PFKFB4: variants seen among roughly 807,000 people sequenced by gnomAD.
PFKFB4 encodes 6-phosphofructo-2-kinase/fructose-2,6-biphosphatase 4, also known as 6-phosphofructo-2-kinase/fructose-2,6-bisphosphatase 4.
In PFKFB4, 42 loss-of-function variants were observed where a neutral mutation model predicts 62.8. That is an observed-to-expected ratio of 0.67 (90% CI 0.52 to 0.86). The LOEUF (loss-of-function observed/expected upper bound fraction) is 0.86. Among genes scored for constraint, PFKFB4 ranks in the 40% least tolerant of loss-of-function variants. The pLI, the probability that PFKFB4 is intolerant of heterozygous loss-of-function variation, is 0.00. For missense variants in PFKFB4, 475 were observed against 627.2 expected, an observed-to-expected ratio of 0.76 and a Z score of 2.59; for synonymous variants, 204 against 240.7, an observed-to-expected ratio of 0.85 and a Z score of 1.41.
At chr3:48,533,850 G>A (rs978570870) in intron 9 of PFKFB4, among the ~76,000 whole-genome samples, 6 of 152,002 alleles carry the variant, frequency 3.9e-5, no homozygotes, top group East Asian at 1.9e-4. Flanking sequence ...GCAAACCTCC[G>A]TCTCAAAAAA....
Position 48,521,091 on chromosome 3 carries a change from A to G in PFKFB4, c.1350+895T>C, listed in dbSNP as rs1402955316. The stretch of plus-strand genomic sequence containing the variant: ...CCTGCTTGGGGGCAGTGGTGTTGGG[A>G]AGGGACAGGACACATCTACACACCT... On this transcript the variant is annotated intron_variant, in intron 13 of 13. Transcript: ENST00000232375. The surrounding 1 kb of genome is among the most constrained non-coding windows in gnomAD (Gnocchi z 5.3). Among the ~76,000 whole-genome samples the G allele has an allele frequency of 6.6e-6, 1 of 151,988 alleles. No individual in the cohort carries two copies. The highest frequency in any genetic ancestry group is 2.4e-5 in the African/African-American group (1 of 41,376).
chr3:48,553,601 A>T (rs1033160854), intron 1 of PFKFB4, among the ~76,000 whole-genome samples: 5 of 152,106 alleles, frequency 3.3e-5, no homozygotes, highest in Non-Finnish European at 5.9e-5. Context: ...GAGCTCTAGG[A>T]GCGAAGGGGC....
intron 9 of PFKFB4, among the ~76,000 whole-genome samples, chr3:48,533,543 A>G (rs1490103904): frequency 1.3e-5 from 2 of 152,170 alleles, no homozygotes; most frequent in African/African-American, 2.4e-5. Flanking sequence ...GGCCCCAACA[A>G]AAACAACTAT....
In PFKFB4 at chr3:48,550,217, G is replaced by T. The variant is rs780164866; in HGVS notation, c.115C>A (p.Pro39Thr). 1.6e-5 allele frequency: 26 copies of T among 1,613,580 alleles called. No homozygotes were observed. The highest frequency in any genetic ancestry group is 2.2e-5 in the Non-Finnish European group (26 of 1,179,604). Reference sequence around the variant, plus strand: ...AGGCCCACCATGACAATGAGAGTTGGGCAGTTGGTCATGCACACTAAAAGG... The same window carrying T: ...AGGCCCACCATGACAATGAGAGTTGTGCAGTTGGTCATGCACACTAAAAGG... Reference protein sequence around the residue: ...CQRGVCMTNCPTLIVMVGLPA... With the variant: ...CQRGVCMTNCTTLIVMVGLPA... Residue 39 changes from proline (P) to threonine (T), a missense_variant, in exon 2 of 14, where the codon CCA becomes ACA. Physicochemically the swap from Pro to Thr is conservative, Grantham distance 38. Transcript: ENST00000232375.
Position 48,544,726 on chromosome 3 carries a change from TTG to T in PFKFB4, c.312-1082_312-1081del, listed in dbSNP as rs1327708535. Among the ~76,000 whole-genome samples the T allele has an allele frequency of 3.6e-3, 526 of 144,850 alleles. 2 individuals carry two copies. The highest frequency in any genetic ancestry group is 0.015 in the African/African-American group (506 of 34,872). ...TGCAAAGTGGATTGACACAGAAGGT[TTG>T]TTTTTTTTTTTAGACAAGAGTCTTA... On this transcript the variant is annotated intron_variant, in intron 3 of 13. Coordinates refer to ENST00000232375, the MANE Select transcript of PFKFB4 (RefSeq NM_004567.4).
At position 48,518,921 on chromosome 3, in the gene PFKFB4, T is replaced by C. The variant is rs1343958068; in HGVS notation, c.*826A>G. On this transcript the variant is annotated 3_prime_UTR_variant, in exon 14 of 14. Transcript: ENST00000232375. ...CCTCTCCCTCGAGCACTTCGGTGTGTGCACCAGGAAGGTAACTTCCTGCCC... is the reference window on the plus strand; with the variant it reads ...CCTCTCCCTCGAGCACTTCGGTGTGCGCACCAGGAAGGTAACTTCCTGCCC... 1 of 152,164 alleles carries C rather than the reference T, an allele frequency of 6.6e-6. No individual in the cohort carries two copies. The highest frequency in any genetic ancestry group is 1.5e-5 in the Non-Finnish European group (1 of 68,024). 9.4% of individuals were successfully genotyped at this position (152,164 alleles called of 1,614,324 possible). A position where few individuals can be genotyped will look rare whatever the true frequency, so the allele number is the denominator to read the frequency against.
At chr3:48,534,960 C>A (rs909280358) in intron 9 of PFKFB4, among the ~76,000 whole-genome samples, 2 of 152,076 alleles carry the variant, frequency 1.3e-5, no homozygotes, top group African/African-American at 2.4e-5. Context: ...AGGTACCCAC[C>A]ACCATGCCTG....
At chr3:48,561,520 A>G (rs2043433382), upstream of PFKFB4, 1 of 153,500 alleles carries the variant, frequency 6.5e-6, no homozygotes. This position sits in a 1 kb window ranked among gnomAD's most constrained non-coding sequence, Gnocchi z 5.2. Flanking sequence ...AGTCCTTCCA[A>G]ACCAAGGGAC....
In PFKFB4 at chr3:48,556,767, G is replaced by A. The variant is rs1322097053; in HGVS notation, c.11C>T (p.Pro4Leu). 1 of 1,600,800 alleles carries A rather than the reference G, an allele frequency of 6.2e-7. No homozygotes were observed. The highest frequency in any genetic ancestry group is 1.4e-5 in the African/African-American group (1 of 73,748). The change falls in exon 1 of 14, where the codon CCA becomes CTA. Residue 4 changes from proline (P) to leucine (L), a missense_variant. Transcript: ENST00000232375. This position sits in a 1 kb window ranked among gnomAD's most constrained non-coding sequence, Gnocchi z 5.7. MAS[P>L]RELTQNPLKK... is the part of the protein sequence containing the mutation. Reference sequence around the variant, plus strand: ...CAGGGGGTTCTGTGTCAATTCCCGTGGGGACGCCATCCCGGGGCCGGGATG... The same window carrying A: ...CAGGGGGTTCTGTGTCAATTCCCGTAGGGACGCCATCCCGGGGCCGGGATG...
In PFKFB4 at chr3:48,519,590, A is replaced by G. The variant is rs946019420; in HGVS notation, c.*157T>C. On this transcript the variant is annotated 3_prime_UTR_variant, in exon 14 of 14. Coordinates refer to ENST00000232375, the MANE Select transcript of PFKFB4 (RefSeq NM_004567.4). ...TGTCGCCGACTGTCAACAAAGAGCC[A>G]GGTGGGCTGGGGTGGGGGCTCTGGG... is the stretch of plus-strand genomic sequence containing the variant. The G allele has an allele frequency of 8.0e-6, 5 of 627,092 alleles. No homozygotes were observed. The East Asian group carries it at 8.1e-5, about 10-fold the overall frequency. The allele number at this position is 627,092 out of a possible 1,614,324, so 38.8% of individuals were successfully genotyped here.
At chr3:48,535,956 C>T (rs574933773) in intron 8 of PFKFB4, among the ~76,000 whole-genome samples, 11 of 152,338 alleles carry the variant, frequency 7.2e-5, no homozygotes, top group African/African-American at 2.6e-4. Context: ...CTCCCCTGGA[C>T]TGTGGCACAG....
chr3:48,533,778 C>T (rs773468962), intron 9 of PFKFB4, among the ~76,000 whole-genome samples: 16 of 152,160 alleles, frequency 1.1e-4, no homozygotes, highest in African/African-American at 1.9e-4. Context: ...CGCTTGAACC[C>T]GGGAGACGAA....
At chr3:48,543,426 A>G (rs984958803) in intron 4 of PFKFB4, among the ~76,000 whole-genome samples, 154 bp downstream of exon 4, 1 of 152,216 alleles carries the variant, frequency 6.6e-6, no homozygotes, top group African/African-American at 2.4e-5. Context: ...TTCCTCCTGC[A>G]TAGCTGTTGC....
At chr3:48,553,515 C>T (rs1056771387) in intron 1 of PFKFB4, among the ~76,000 whole-genome samples, 3 of 152,106 alleles carry the variant, frequency 2.0e-5, no homozygotes, top group African/African-American at 4.8e-5. Context: ...TGAGCATGTG[C>T]GGAAGGAAAT....
At chr3:48,552,282 C>G (rs1177526661) in intron 1 of PFKFB4, among the ~76,000 whole-genome samples, 1 of 152,244 alleles carries the variant, frequency 6.6e-6, no homozygotes, top group African/African-American at 2.4e-5. Context: ...AGGTGTACCT[C>G]GGCACCGACT....
intron 1 of PFKFB4, among the ~76,000 whole-genome samples, chr3:48,555,834 G>A (rs1229292602): frequency 1.3e-5 from 2 of 151,988 alleles, no homozygotes; most frequent in African/African-American, 4.8e-5. Context: ...AGCCCAGAAG[G>A]TCGTGGCTGC....
intron 3 of PFKFB4, chr3:48,548,535 T>C (rs781322707): frequency 9.9e-5 from 15 of 152,218 alleles, no homozygotes; most frequent in African/African-American, 3.6e-4. Flanking sequence ...GACCTACCTA[T>C]TGAGGAATAT....
chr3:48,539,741 G>A lies in PFKFB4; in HGVS notation c.409C>T (p.Arg137Trp), dbSNP rs781535165. ...VFDATNTTRERRATIFNFGEQ... is the reference protein window; with the variant it reads ...VFDATNTTREWRATIFNFGEQ... ...CCAAAATTAAAGATGGTCGCTCTCC[G>A]TTCTCGGGTGGTGTTTGTGGCATCA... The change falls in exon 5 of 14, where the codon CGG becomes TGG. Residue 137 changes from arginine (R) to tryptophan (W), a missense_variant. Coordinates refer to ENST00000232375, the MANE Select transcript of PFKFB4 (RefSeq NM_004567.4). 21 of 1,614,036 alleles carry A rather than the reference G, an allele frequency of 1.3e-5. No homozygotes were observed. The East Asian group carries it at 2.2e-4, about 17-fold the overall frequency.
chr3:48,549,831 A>C, intron 3 of PFKFB4, 33 bp downstream of exon 3: 1 of 1,349,458 alleles, frequency 7.4e-7, no homozygotes, highest in Non-Finnish European at 1.1e-6. Context: ...TCCCCCAGCA[A>C]CCTCTCCCCC....
Sources: gnomAD v4.1 joint callset for allele counts (sites outside exome capture counted in the v4.1 genomes callset) on GRCh38, gnomAD v4.1.1 for gene constraint, Gnocchi (gnomAD v3.1) non-coding constraint, MANE v1.5 for transcripts, NCBI Gene and HGNC (gene_info 2026-07-23, HGNC 2026-07-21) for gene names.